Variants in DAB2 observed in about 807,000 individuals in gnomAD.
DAB2 encodes the protein DAB adaptor protein 2.
A neutral mutation model predicts 71.6 loss-of-function variants in DAB2; 28 were observed. That is an observed-to-expected ratio of 0.39 (90% CI 0.29 to 0.54). DAB2 has a LOEUF of 0.54. Ranked by LOEUF, DAB2 falls within the 20% of genes least tolerant of loss-of-function variation. DAB2 has a pLI of 0.68. For synonymous variants in DAB2, 345 were observed against 339.7 expected, an observed-to-expected ratio of 1.02 and a Z score of -0.17; for missense variants, 867 against 928.8, an observed-to-expected ratio of 0.93 and a Z score of 0.86.
At chr5:39,416,843 G>A (rs1755856839) in intron 1 of DAB2, among the ~76,000 whole-genome samples, 2 of 152,228 alleles carry the variant, frequency 1.3e-5, no homozygotes, top group Admixed American at 1.3e-4. Flanking sequence ...GTCTGTTAAT[G>A]AGCAGTGCGC....
chr5:39,401,356 T>G (rs1176849845), intron 1 of DAB2, among the ~76,000 whole-genome samples: 1 of 152,230 alleles, frequency 6.6e-6, no homozygotes, highest in Non-Finnish European at 1.5e-5. Context: ...GAAAATGATA[T>G]GGCAGGACTT....
At chr5:39,375,890 A>G (rs1437751792) in intron 13 of DAB2, 107 bp downstream of exon 13, 3 of 850,774 alleles carry the variant, frequency 3.5e-6, no homozygotes, top group Non-Finnish European at 5.5e-6. Context: ...TGTCTTAAAA[A>G]AATAAATAAA....
chr5:39,386,442 G>A (rs1426019299), intron 9 of DAB2, among the ~76,000 whole-genome samples: 1 of 152,098 alleles, frequency 6.6e-6, no homozygotes, highest in Non-Finnish European at 1.5e-5. Flanking sequence ...ATCTATTTTT[G>A]ACCTATGACT....
At chr5:39,420,901 G>A (rs1579931172) in intron 1 of DAB2, among the ~76,000 whole-genome samples, 1 of 152,088 alleles carries the variant, frequency 6.6e-6, no homozygotes, top group Admixed American at 6.5e-5. Flanking sequence ...CAGCTATGTG[G>A]GCAAGGATAG....
In DAB2 at chr5:39,381,471, C is replaced by T. The variant is rs764233916; in HGVS notation, c.1487G>A (p.Gly496Glu). 8.1e-6 allele frequency: 13 copies of T among 1,613,916 alleles called. No individual in the cohort carries two copies. In the East Asian group the frequency reaches 2.7e-4, roughly 33 times the overall value. ...LFKTSAPAPV[G>E]PLVGLGGVTV... is the part of the protein sequence containing the mutation. The stretch of plus-strand genomic sequence containing the variant: ...GCACCTACCTAGACCCACCAGGGGC[C>T]CCACTGGGGCAGGAGCACTTGTTTT... The change falls in exon 11 of 15, where the codon GGG becomes GAG. Residue 496 changes from glycine (G) to glutamate (E), a missense_variant. Physicochemically the swap from Gly to Glu is moderately conservative, Grantham distance 98. Transcript: ENST00000320816.
chr5:39,383,091 G>C lies in DAB2; in HGVS notation c.868C>G (p.Pro290Ala). 6.2e-7 allele frequency: 1 copy of C among 1,614,160 alleles called. No individual in the cohort carries two copies. The highest frequency in any genetic ancestry group is 8.5e-7 in the Non-Finnish European group (1 of 1,180,022). ...FSANLNFFPT[P>A]NPDPFRDDPF... ...TCGTCACGGAAAGGATCAGGATTAG[G>C]GGTGGGAAAGAAGTTGAGATTGGCA... The change falls in exon 10 of 15, where the codon CCT (proline) becomes GCT (alanine). Residue 290 changes from proline to alanine, a missense_variant. This residue lies in a region of DAB2 where 740 missense variants were observed against 734.3 expected (regional missense o/e 1.01). Coordinates refer to ENST00000320816, the MANE Select transcript of DAB2 (RefSeq NM_001343.4).
chr5:39,402,999 C>T (rs1755536866), intron 1 of DAB2, among the ~76,000 whole-genome samples: 1 of 152,176 alleles, frequency 6.6e-6, no homozygotes, highest in South Asian at 2.1e-4. Flanking sequence ...ATATTCATGG[C>T]ATTCCCAGAT....
intron 4 of DAB2, among the ~76,000 whole-genome samples, chr5:39,391,527 A>G (rs771460099): frequency 6.6e-6 from 1 of 152,140 alleles, no homozygotes; most frequent in Non-Finnish European, 1.5e-5. Flanking sequence ...CTAGGTTTGC[A>G]TGGTAGATAA....
intron 1 of DAB2, among the ~76,000 whole-genome samples, chr5:39,415,729 C>G (rs1429965889): frequency 6.6e-6 from 1 of 152,140 alleles, no homozygotes; most frequent in Non-Finnish European, 1.5e-5. Context: ...ATGATCAATA[C>G]AAGTAGTGAG....
Position 39,394,382 on chromosome 5 carries a change from G to A in DAB2, c.-62C>T, listed in dbSNP as rs181468099. On this transcript the variant is annotated 5_prime_UTR_variant, in exon 2 of 15. Coordinates refer to ENST00000320816, the MANE Select transcript of DAB2 (RefSeq NM_001343.4). ...ACACTTGGTGACACCAGGCGATCCC[G>A]ATGGAGAAGTCTCAAATAAACATAA... 1.3e-4 allele frequency: 160 copies of A among 1,251,040 alleles called. No individual in the cohort carries two copies. In the East Asian group the frequency reaches 2.7e-3, roughly 21 times the overall value. 77.5% of individuals were successfully genotyped at this position (1,251,040 alleles called of 1,614,324 possible).
intron 1 of DAB2, among the ~76,000 whole-genome samples, chr5:39,419,731 T>C (rs926084649): frequency 6.6e-6 from 1 of 152,208 alleles, no homozygotes; most frequent in African/African-American, 2.4e-5. Flanking sequence ...AGATTAATTA[T>C]ACTCTTTAAA....
At chr5:39,413,535 T>TA (rs1561380227) in intron 1 of DAB2, among the ~76,000 whole-genome samples, 1 of 152,220 alleles carries the variant, frequency 6.6e-6, no homozygotes, top group Non-Finnish European at 1.5e-5. Flanking sequence ...GCATCTTTTG[T>TA]AAATGGCAGC....
At chr5:39,377,324 T>A (rs1410248028) in intron 11 of DAB2, 42 bp from the exon 12 acceptor site, 1 of 1,563,986 alleles carries the variant, frequency 6.4e-7, no homozygotes, top group African/African-American at 1.4e-5. Context: ...GAGTCAAGCT[T>A]GAAGAAGATT....
chr5:39,420,302 G>T (rs564692453), intron 1 of DAB2, among the ~76,000 whole-genome samples: 1 of 152,284 alleles, frequency 6.6e-6, no homozygotes, highest in Non-Finnish European at 1.5e-5. Flanking sequence ...GCATCATATT[G>T]CTAGGTAGCA....
chr5:39,379,702 T>A (rs1442494959), intron 11 of DAB2, among the ~76,000 whole-genome samples: 1 of 152,114 alleles, frequency 6.6e-6, no homozygotes, highest in Non-Finnish European at 1.5e-5. Flanking sequence ...AGGGCTCAGC[T>A]TTCTACAATA....
rs764065195 is a variant in DAB2 at position 39,382,839 on chromosome 5, C to A, written c.1120G>T (p.Ala374Ser). The A allele has an allele frequency of 1.9e-6, 3 of 1,614,156 alleles. No individual in the cohort carries two copies. Among genetic ancestry groups the A allele is most frequent in the South Asian group, 2.2e-5 (2 of 91,084 alleles). ...GATACCCCATTTTGAGTTCTCACTG[C>A]TGGCTGGGTTTGCGAACTTGAAAAG... ...WPFSSSQTQP[A>S]VRTQNGVSER... The change falls in exon 10 of 15, where the codon GCA becomes TCA. Residue 374 changes from alanine (A) to serine (S), a missense_variant. Around this residue, in one of 2 missense-constraint regions of DAB2, gnomAD observed 740 missense variants for 734.3 expected, o/e 1.01. Coordinates refer to ENST00000320816, the MANE Select transcript of DAB2 (RefSeq NM_001343.4).
intron 1 of DAB2, among the ~76,000 whole-genome samples, chr5:39,411,709 A>G (rs919668446): frequency 6.6e-6 from 1 of 152,184 alleles, no homozygotes; most frequent in Non-Finnish European, 1.5e-5. Context: ...TCCTAATCCA[A>G]TCTTTATTAA....
At position 39,394,561 on chromosome 5, in the gene DAB2, A is replaced by G. The variant is rs1755312119; in HGVS notation, c.-101-140T>C. 4.0e-5 allele frequency: 20 copies of G among 495,048 alleles called. 1 individual carries two copies. In the South Asian group the frequency reaches 6.4e-4, roughly 16 times the overall value. The allele number at this position is 495,048 out of a possible 1,614,324, so 30.7% of individuals were successfully genotyped here. ...TCCTTCTCCTGCTGTATTAGACTGA[A>G]GACTGAAAGCAGGGGAGTGGGTAGG... On this transcript the variant is annotated intron_variant, in intron 1 of 14. Coordinates refer to ENST00000320816, the MANE Select transcript of DAB2 (RefSeq NM_001343.4).
At position 39,381,555 on chromosome 5, in the gene DAB2, C is replaced by T. The variant is rs761944303; in HGVS notation, c.1403G>A (p.Gly468Asp). The T allele has an allele frequency of 3.1e-6, 5 of 1,614,020 alleles. No homozygotes were observed. In the East Asian group the frequency reaches 6.7e-5, roughly 22 times the overall value. Residue 468 changes from glycine (G) to aspartate (D), a missense_variant, in exon 11 of 15, where the codon GGC (glycine) becomes GAC (aspartate). Physicochemically the swap from Gly to Asp is moderately conservative, Grantham distance 94. Coordinates refer to ENST00000320816, the MANE Select transcript of DAB2 (RefSeq NM_001343.4). The stretch of plus-strand genomic sequence containing the variant: ...AGGTTGTCCTGTGGGTGACGCCTGG[C>T]CTGAAGGTTCTGAGACGGGAGGAGC... ...IFAPPVSEPS[G>D]QASPTGQPTA... is the part of the protein sequence containing the mutation.
Sources: allele counts gnomAD v4.1 joint callset (sites outside exome capture counted in the v4.1 genomes callset), GRCh38; gene constraint gnomAD v4.1.1; regional missense constraint gnomAD v4.1.1; transcripts MANE v1.5; gene names NCBI Gene and HGNC (gene_info 2026-07-23, HGNC 2026-07-21).